LRRC4C: variants seen among roughly 807,000 people sequenced by gnomAD.
The protein encoded by LRRC4C is leucine-rich repeat-containing protein 4C.
LRRC4C carries 5 observed loss-of-function variants against 33.6 expected under a neutral mutation model. The observed-to-expected ratio is 0.15, with a 90% confidence interval of 0.08 to 0.31. The LOEUF (loss-of-function observed/expected upper bound fraction) is 0.31, where lower values mean the gene tolerates loss of function less well. LRRC4C is among the 10% of genes least tolerant of loss of function. LRRC4C has a pLI of 1.00. For missense variants in LRRC4C, 560 were observed against 796.7 expected, an observed-to-expected ratio of 0.70 and a Z score of 3.58; for synonymous variants, 329 against 302.0, an observed-to-expected ratio of 1.09 and a Z score of -0.93.
intron 1 of LRRC4C, among the ~76,000 whole-genome samples, chr11:41,010,958 A>T (rs1007291870): frequency 2.6e-5 from 4 of 152,192 alleles, no homozygotes; most frequent in Non-Finnish European, 5.9e-5. Flanking sequence ...CATAAAAATA[A>T]CATAAAATGG....
intron 3 of LRRC4C, among the ~76,000 whole-genome samples, chr11:40,573,862 T>G (rs567608966): frequency 6.6e-6 from 1 of 152,286 alleles, no homozygotes; most frequent in Non-Finnish European, 1.5e-5. Context: ...GTCATCTTTT[T>G]TTTTCCCAAG....
chr11:40,295,348 A>C (rs1222285214), intron 4 of LRRC4C, among the ~76,000 whole-genome samples: 1 of 152,208 alleles, frequency 6.6e-6, no homozygotes, highest in Non-Finnish European at 1.5e-5. Flanking sequence ...AATAGATTAA[A>C]TAAATGTTCC....
chr11:40,531,789 A>T (rs1299229359), intron 3 of LRRC4C, among the ~76,000 whole-genome samples: 1 of 151,816 alleles, frequency 6.6e-6, no homozygotes, highest in Non-Finnish European at 1.5e-5. Context: ...ATTATATAAA[A>T]TTTATGTTTG....
chr11:40,340,264 C>T (rs1383934566), intron 3 of LRRC4C, among the ~76,000 whole-genome samples: 1 of 152,024 alleles, frequency 6.6e-6, no homozygotes, highest in Non-Finnish European at 1.5e-5. Flanking sequence ...CTTTTTTTCA[C>T]ATGGTCAGAA....
Position 40,560,858 on chromosome 11 carries a change from T to C in LRRC4C, c.-270+87284A>G, listed in dbSNP as rs541230833. On this transcript the variant is annotated intron_variant, in intron 3 of 6. Coordinates refer to ENST00000528697, the MANE Select transcript of LRRC4C (RefSeq NM_001258419.2). Reference sequence around the variant, plus strand: ...ACAATATAACCTTGAACAAGCCACATAATCCTCTGAGCCTCAGTTACCTTA... The same window carrying C: ...ACAATATAACCTTGAACAAGCCACACAATCCTCTGAGCCTCAGTTACCTTA... 2.0e-5 allele frequency among the ~76,000 whole-genome samples: 3 copies of C among 152,286 alleles called. No individual in the cohort carries two copies. In the East Asian group the frequency reaches 5.8e-4, roughly 29 times the overall value.
chr11:40,604,445 G>A (rs763399411), intron 3 of LRRC4C, among the ~76,000 whole-genome samples: 3 of 152,012 alleles, frequency 2.0e-5, no homozygotes, highest in Non-Finnish European at 4.4e-5. Flanking sequence ...TATTGAGCTT[G>A]TATTTTATGA....
At chr11:40,154,638 T>C (rs1858527176) in intron 5 of LRRC4C, among the ~76,000 whole-genome samples, 1 of 152,124 alleles carries the variant, frequency 6.6e-6, no homozygotes, top group Admixed American at 6.6e-5. Flanking sequence ...AAAGGCCTTG[T>C]CCCACAGGAA....
At chr11:40,487,955 T>G (rs1488216516) in intron 3 of LRRC4C, among the ~76,000 whole-genome samples, 1 of 152,122 alleles carries the variant, frequency 6.6e-6, no homozygotes, top group Non-Finnish European at 1.5e-5. Context: ...CACAACATGG[T>G]AAGATGTGTA....
intron 2 of LRRC4C, among the ~76,000 whole-genome samples, chr11:40,878,002 C>T (rs1472711223): frequency 2.0e-5 from 3 of 152,152 alleles, no homozygotes; most frequent in Non-Finnish European, 2.9e-5. Context: ...GAGTCTTCTG[C>T]TATCTCATCA....
At chr11:40,255,198 T>C (rs1356929182) in intron 4 of LRRC4C, among the ~76,000 whole-genome samples, 2 of 152,094 alleles carry the variant, frequency 1.3e-5, no homozygotes, top group Non-Finnish European at 2.9e-5. Flanking sequence ...TATACTTTTA[T>C]ACCTGTGGAA....
At chr11:40,392,369 A>G (rs1949370499) in intron 3 of LRRC4C, among the ~76,000 whole-genome samples, 1 of 152,214 alleles carries the variant, frequency 6.6e-6, no homozygotes, top group East Asian at 1.9e-4. Flanking sequence ...TAAAACATGT[A>G]TCACATGAAT....
At position 40,526,494 on chromosome 11, in the gene LRRC4C, T is replaced by A. The variant is rs144968003; in HGVS notation, c.-270+121648A>T. On this transcript the variant is annotated intron_variant, in intron 3 of 6. Coordinates refer to ENST00000528697, the MANE Select transcript of LRRC4C (RefSeq NM_001258419.2). ...AATGAAAGACACTCAACTCCATTAG[T>A]CACCAGGGAAATACAAATTGAAACT... is the stretch of plus-strand genomic sequence containing the variant. Among the ~76,000 whole-genome samples, 1,487 of 152,044 alleles carry A rather than the reference T, an allele frequency of 9.8e-3. 17 individuals are homozygous for A. The highest frequency in any genetic ancestry group is 0.03 in the African/African-American group (1,257 of 41,454).
chr11:40,474,468 A>G (rs1211933631), intron 3 of LRRC4C, among the ~76,000 whole-genome samples: 1 of 152,192 alleles, frequency 6.6e-6, no homozygotes, highest in Middle Eastern at 3.2e-3. Context: ...AAGACCTAAA[A>G]CCATAAAAAC....
intron 3 of LRRC4C, among the ~76,000 whole-genome samples, chr11:40,598,239 C>T (rs914286365): frequency 6.6e-6 from 1 of 152,132 alleles, no homozygotes; most frequent in African/African-American, 2.4e-5. Context: ...TCTGTAGCAC[C>T]TCTGCTTTTT....
chr11:40,720,605 C>T (rs1260760738), intron 2 of LRRC4C, among the ~76,000 whole-genome samples: 1 of 152,128 alleles, frequency 6.6e-6, no homozygotes. Context: ...AGGTCAGGTA[C>T]CACCTCGTCT....
At chr11:40,192,700 T>G (rs940060680) in intron 5 of LRRC4C, among the ~76,000 whole-genome samples, 7 of 152,156 alleles carry the variant, frequency 4.6e-5, no homozygotes, top group Non-Finnish European at 7.3e-5. Flanking sequence ...TAAGATCCAC[T>G]GGCTTGAAAT....
intron 4 of LRRC4C, among the ~76,000 whole-genome samples, chr11:40,249,102 C>T (rs534707094): frequency 4.5e-4 from 69 of 152,238 alleles, no homozygotes; most frequent in Middle Eastern, 3.4e-3. Flanking sequence ...CTTTGGGAGG[C>T]GGAGGCCAGT....
At chr11:40,334,925 T>A (rs1946531429) in intron 3 of LRRC4C, among the ~76,000 whole-genome samples, 2 of 152,214 alleles carry the variant, frequency 1.3e-5, no homozygotes, top group African/African-American at 2.4e-5. Flanking sequence ...AACTCATTCG[T>A]CTGATCATTA....
chr11:40,494,795 T>C (rs886821153), intron 3 of LRRC4C, among the ~76,000 whole-genome samples: 1 of 152,224 alleles, frequency 6.6e-6, no homozygotes, highest in African/African-American at 2.4e-5. Context: ...CTTTTTTACT[T>C]GGATACCACA....
Sources: gnomAD v4.1 joint callset for allele counts (sites outside exome capture counted in the v4.1 genomes callset) on GRCh38, gnomAD v4.1.1 for gene constraint, MANE v1.5 for transcripts, NCBI Gene and HGNC (gene_info 2026-07-23, HGNC 2026-07-21) for gene names.